The following ETNK1 variants were observed in gnomAD, a reference collection of about 807,000 sequenced individuals.
ETNK1 encodes ethanolamine kinase 1, also known as putative protein product of Nbla10396.
A neutral mutation model predicts 45.1 loss-of-function variants in ETNK1; 8 were observed. That is an observed-to-expected ratio of 0.18 (90% CI 0.10 to 0.32). The LOEUF (loss-of-function observed/expected upper bound fraction) is 0.32. Ranked by LOEUF, ETNK1 falls within the 10% of genes least tolerant of loss-of-function variation. ETNK1 has a pLI of 1.00. For synonymous variants in ETNK1, 152 were observed against 151.9 expected, an observed-to-expected ratio of 1.00 and a Z score of -0.01; for missense variants, 302 against 430.6, an observed-to-expected ratio of 0.70 and a Z score of 2.64.
At chr12:22,663,440 C>T (rs933259494) in intron 4 of ETNK1, among the ~76,000 whole-genome samples, 5 of 152,114 alleles carry the variant, frequency 3.3e-5, no homozygotes, top group Non-Finnish European at 7.4e-5. Flanking sequence ...GTTTCTTTTG[C>T]ATATTCATTT....
At chr12:22,645,192 TGAC>T in intron 2 of ETNK1, among the ~76,000 whole-genome samples, 1 of 151,962 alleles carries the variant, frequency 6.6e-6, no homozygotes, top group Middle Eastern at 3.4e-3. Flanking sequence ...TCACAATGGT[TGAC>T]AAATACCTAT....
intron 3 of ETNK1, among the ~76,000 whole-genome samples, chr12:22,660,034 TAA>T (rs371874842): frequency 0.07 from 8,600 of 122,342 alleles, 337 homozygotes; most frequent in South Asian, 0.15. Flanking sequence ...ACACTACCTT[TAA>T]AAAAAAAAAA....
At chr12:22,632,353 A>G (rs115857609) in intron 1 of ETNK1, among the ~76,000 whole-genome samples, 325 of 152,138 alleles carry the variant, frequency 2.1e-3, no homozygotes, top group African/African-American at 7.4e-3. Context: ...AGTTGCAATC[A>G]TACGTATAAT....
intron 2 of ETNK1, among the ~76,000 whole-genome samples, chr12:22,655,156 C>CG (rs58278224): frequency 0.047 from 7,118 of 151,898 alleles, 547 homozygotes; most frequent in African/African-American, 0.16. Context: ...TTAGTAGAGA[C>CG]GGGGTTTCAC....
chr12:22,651,386 G>A (rs1265552170), intron 2 of ETNK1, among the ~76,000 whole-genome samples: 1 of 152,146 alleles, frequency 6.6e-6, no homozygotes, highest in East Asian at 1.9e-4. Flanking sequence ...TACTGGCACA[G>A]CTGCTGGCAT....
chr12:22,678,318 A>C (rs1243689561), intron 6 of ETNK1, among the ~76,000 whole-genome samples: 1 of 152,218 alleles, frequency 6.6e-6, no homozygotes, highest in Non-Finnish European at 1.5e-5. Flanking sequence ...AAATCAGGTA[A>C]GGCTTACCAA....
chr12:22,665,590 T>G (rs1954046138), intron 4 of ETNK1, among the ~76,000 whole-genome samples: 2 of 152,122 alleles, frequency 1.3e-5, no homozygotes, highest in South Asian at 4.1e-4. Flanking sequence ...CTGGATAGTC[T>G]CCATTGCAAC....
intron 1 of ETNK1, among the ~76,000 whole-genome samples, chr12:22,643,419 A>G (rs908790537): frequency 6.6e-6 from 1 of 152,016 alleles, no homozygotes; most frequent in African/African-American, 2.4e-5. Flanking sequence ...ACACATACAC[A>G]CAAATGTGCA....
chr12:22,675,853 A>G (rs1032338317), intron 6 of ETNK1, among the ~76,000 whole-genome samples: 1 of 152,222 alleles, frequency 6.6e-6, no homozygotes, highest in Non-Finnish European at 1.5e-5. Context: ...TACCTTTTTA[A>G]TAACATTTCT....
At chr12:22,631,905 T>G (rs1674607458) in intron 1 of ETNK1, among the ~76,000 whole-genome samples, 2 of 152,172 alleles carry the variant, frequency 1.3e-5, no homozygotes, top group South Asian at 2.1e-4. Context: ...AACATTCTTT[T>G]AAAAATTGTG....
At chr12:22,652,673 A>G (rs1240452245) in intron 2 of ETNK1, among the ~76,000 whole-genome samples, 2 of 151,858 alleles carry the variant, frequency 1.3e-5, no homozygotes, top group East Asian at 1.9e-4. Flanking sequence ...TCCTTTGCCT[A>G]TTTTCTCATG....
intron 6 of ETNK1, among the ~76,000 whole-genome samples, chr12:22,676,798 G>A (rs568093808): frequency 3.5e-4 from 53 of 151,938 alleles, no homozygotes; most frequent in Admixed American, 4.6e-4. Flanking sequence ...TTTGTTGACC[G>A]TATAAATGTC....
At chr12:22,632,843 T>A (rs1287015634) in intron 1 of ETNK1, among the ~76,000 whole-genome samples, 1 of 152,194 alleles carries the variant, frequency 6.6e-6, no homozygotes, top group African/African-American at 2.4e-5. Flanking sequence ...AATGGCATCA[T>A]ATGAAATATG....
At chr12:22,639,010 A>C (rs1953693993) in intron 1 of ETNK1, 2 of 152,140 alleles carry the variant, frequency 1.3e-5, no homozygotes, top group African/African-American at 4.8e-5. Context: ...TTCATAATAA[A>C]ATTTTACCTC....
intron 6 of ETNK1, among the ~76,000 whole-genome samples, chr12:22,681,549 T>C (rs1483246313): frequency 6.6e-6 from 1 of 152,032 alleles, no homozygotes; most frequent in Non-Finnish European, 1.5e-5. Context: ...TAAAATGTTT[T>C]TGAAGACCTC....
chr12:22,682,333 T>G, intron 6 of ETNK1: 1 of 475,882 alleles, frequency 2.1e-6, no homozygotes, highest in Non-Finnish European at 4.2e-6. Context: ...TTATTTTCAC[T>G]GAAATGGCAA....
chr12:22,651,566 A>G (rs924414746), intron 2 of ETNK1, among the ~76,000 whole-genome samples: 4 of 151,792 alleles, frequency 2.6e-5, no homozygotes, highest in African/African-American at 4.8e-5. Flanking sequence ...TCCAGTTGTC[A>G]CCATCTTAAC....
At chr12:22,628,963 C>T (rs1314745715) in intron 1 of ETNK1, among the ~76,000 whole-genome samples, 1 of 152,074 alleles carries the variant, frequency 6.6e-6, no homozygotes, top group Non-Finnish European at 1.5e-5. Context: ...GAACACAGTG[C>T]TAGTTTTGAG....
chr12:22,644,217 A>T, intron 2 of ETNK1, 195 bp downstream of exon 2: 1 of 1,602,274 alleles, frequency 6.2e-7, no homozygotes, highest in Non-Finnish European at 8.5e-7. Flanking sequence ...GCAGTTTATC[A>T]TCGTTGACTC....
Sources: allele counts gnomAD v4.1 joint callset (sites outside exome capture counted in the v4.1 genomes callset), GRCh38; gene constraint gnomAD v4.1.1; transcripts MANE v1.5; gene names NCBI Gene and HGNC (gene_info 2026-07-23, HGNC 2026-07-21).